The following TMEM135 variants were observed in gnomAD, a reference collection of about 807,000 sequenced individuals.
The protein encoded by TMEM135 is peroxisomal membrane protein 52.
Under a neutral mutation model 60.3 loss-of-function variants are expected in TMEM135, and 30 were observed. That is an observed-to-expected ratio of 0.50 (90% CI 0.37 to 0.68). The LOEUF (loss-of-function observed/expected upper bound fraction) is 0.68, where lower values mean the gene tolerates loss of function less well. Among genes scored for constraint, TMEM135 ranks in the 30% least tolerant of loss-of-function variants. The pLI is 0.00. For synonymous variants in TMEM135, 190 were observed against 186.7 expected, an observed-to-expected ratio of 1.02 and a Z score of -0.14; for missense variants, 468 against 548.8, an observed-to-expected ratio of 0.85 and a Z score of 1.47.
intron 3 of TMEM135, among the ~76,000 whole-genome samples, chr11:87,078,900 G>T (rs1856927567): frequency 6.6e-6 from 1 of 152,030 alleles, no homozygotes; most frequent in African/African-American, 2.4e-5. Flanking sequence ...GGGATTACAG[G>T]CGTGAGCCAC....
chr11:87,156,052 A>G (rs957799441), intron 4 of TMEM135, among the ~76,000 whole-genome samples: 1 of 152,136 alleles, frequency 6.6e-6, no homozygotes, highest in Non-Finnish European at 1.5e-5. Flanking sequence ...TCTATTCAAA[A>G]TTCTTGTTAA....
chr11:87,059,842 G>A (rs1949929533), intron 1 of TMEM135, among the ~76,000 whole-genome samples: 4 of 152,350 alleles, frequency 2.6e-5, no homozygotes, highest in Admixed American at 6.5e-5. Context: ...GGGGCCGGGC[G>A]TGGTGGCTCA....
chr11:87,119,867 T>C (rs3133320), intron 4 of TMEM135, among the ~76,000 whole-genome samples: 71,918 of 151,190 alleles, frequency 0.48, 17,402 homozygotes, highest in East Asian at 0.67. Flanking sequence ...GCAGCGTTGC[T>C]GCAAACCTTT....
In TMEM135 at chr11:87,076,502, C is replaced by T. The variant is rs1856876560; in HGVS notation, c.362+4887C>T. On this transcript the variant is annotated intron_variant, in intron 3 of 14. Transcript: ENST00000305494. ...AAGAGCCTAGACCTGGACTTGGGGA[C>T]TCCAGGAGCCTGCTTGTTGCTTTAC... 5.3e-5 allele frequency among the ~76,000 whole-genome samples: 8 copies of T among 152,232 alleles called. No individual in the cohort carries two copies. In the South Asian group the frequency reaches 1.7e-3, roughly 31 times the overall value.
chr11:87,054,209 C>T (rs765209244), intron 1 of TMEM135, among the ~76,000 whole-genome samples: 11 of 151,412 alleles, frequency 7.3e-5, no homozygotes, highest in Non-Finnish European at 1.6e-4. Flanking sequence ...CCAAGGTGGG[C>T]AGATCACCTG....
intron 3 of TMEM135, among the ~76,000 whole-genome samples, chr11:87,084,994 C>G (rs1857065757): frequency 6.6e-6 from 1 of 150,624 alleles, no homozygotes; most frequent in African/African-American, 2.4e-5. Context: ...AGGATTTACT[C>G]ACCAGTAAGG....
chr11:87,198,251 A>G (rs1262741251), intron 5 of TMEM135, among the ~76,000 whole-genome samples: 1 of 152,176 alleles, frequency 6.6e-6, no homozygotes, highest in Non-Finnish European at 1.5e-5. Flanking sequence ...AATGTATGTC[A>G]AAATCCGTTT....
intron 6 of TMEM135, among the ~76,000 whole-genome samples, chr11:87,255,744 CTG>C (rs1379200431): frequency 3.3e-5 from 5 of 151,988 alleles, no homozygotes; most frequent in Non-Finnish European, 5.9e-5. Context: ...TTATAGTTGA[CTG>C]TTTCTCTCCC....
chr11:87,168,424 G>A (rs1230957481), intron 5 of TMEM135, among the ~76,000 whole-genome samples: 1 of 151,760 alleles, frequency 6.6e-6, no homozygotes, highest in Non-Finnish European at 1.5e-5. Context: ...TCTTTCCCAC[G>A]TGCTTCTGTG....
chr11:87,055,577 C>G (rs1949886126), intron 1 of TMEM135, among the ~76,000 whole-genome samples: 1 of 151,424 alleles, frequency 6.6e-6, no homozygotes, highest in Non-Finnish European at 1.5e-5. Context: ...ATTGTGAAGT[C>G]TGAGAAGTTA....
At chr11:87,088,373 A>T (rs895806810) in intron 3 of TMEM135, among the ~76,000 whole-genome samples, 1 of 152,186 alleles carries the variant, frequency 6.6e-6, no homozygotes, top group Non-Finnish European at 1.5e-5. Context: ...TATTGCAGTG[A>T]TACAAATAAC....
chr11:87,292,143 T>G (rs1341258425), intron 6 of TMEM135, among the ~76,000 whole-genome samples: 1 of 152,172 alleles, frequency 6.6e-6, no homozygotes, highest in Non-Finnish European at 1.5e-5. Context: ...ATTACCAAAT[T>G]TTACCTCTCG....
chr11:87,097,104 C>A (rs1314714595), intron 4 of TMEM135, among the ~76,000 whole-genome samples: 1 of 151,700 alleles, frequency 6.6e-6, no homozygotes, highest in Non-Finnish European at 1.5e-5. Flanking sequence ...TCAAACGATT[C>A]TCCTGCCTCA....
At chr11:87,286,127 G>A (rs1942160250) in intron 6 of TMEM135, among the ~76,000 whole-genome samples, 1 of 152,096 alleles carries the variant, frequency 6.6e-6, no homozygotes, top group Non-Finnish European at 1.5e-5. Context: ...CGATCCTTTA[G>A]CTAGACATAA....
rs552832955 is a variant in TMEM135 at position 87,236,786 on chromosome 11, C to T, written c.509+102C>T. On this transcript the variant is annotated intron_variant, in intron 6 of 14. Transcript: ENST00000305494. Reference sequence around the variant, plus strand: ...GTATTCTCCAAATAATTATCCCTTACAAGCAGCATACTCCCCCCGCACCCC... The same window carrying T: ...GTATTCTCCAAATAATTATCCCTTATAAGCAGCATACTCCCCCCGCACCCC... 58 of 1,175,926 alleles carry T rather than the reference C, an allele frequency of 4.9e-5. No homozygotes were observed. In the African/African-American group the frequency reaches 7.2e-4, roughly 15 times the overall value. 72.8% of individuals were successfully genotyped at this position (1,175,926 alleles called of 1,614,324 possible).
At chr11:87,190,747 A>T (rs973604788) in intron 5 of TMEM135, among the ~76,000 whole-genome samples, 1 of 152,174 alleles carries the variant, frequency 6.6e-6, no homozygotes, top group Non-Finnish European at 1.5e-5. Flanking sequence ...CTGACTTTCT[A>T]TTGTGGTCTA....
chr11:87,200,256 G>C (rs999209901), intron 5 of TMEM135, among the ~76,000 whole-genome samples: 1 of 152,088 alleles, frequency 6.6e-6, no homozygotes, highest in Non-Finnish European at 1.5e-5. Flanking sequence ...ACAGGTTTTA[G>C]ACTCTTCTAA....
At chr11:87,084,625 A>G (rs1410024632) in intron 3 of TMEM135, among the ~76,000 whole-genome samples, 1 of 152,144 alleles carries the variant, frequency 6.6e-6, no homozygotes, top group African/African-American at 2.4e-5. Flanking sequence ...TTTTTTGATA[A>G]CACCCCTGGA....
intron 6 of TMEM135, among the ~76,000 whole-genome samples, chr11:87,270,431 C>G (rs1941841888): frequency 6.6e-6 from 1 of 152,102 alleles, no homozygotes; most frequent in Admixed American, 6.6e-5. Flanking sequence ...ATAAAAATGG[C>G]TAGTTTTAAA....
Sources: allele counts gnomAD v4.1 joint callset (sites outside exome capture counted in the v4.1 genomes callset), GRCh38; gene constraint gnomAD v4.1.1; transcripts MANE v1.5; gene names NCBI Gene and HGNC (gene_info 2026-07-23, HGNC 2026-07-21).